The following SLC9C2 variants were observed in gnomAD, a reference collection of about 807,000 sequenced individuals.
The protein encoded by SLC9C2 is sodium/hydrogen exchanger 11.
Under a neutral mutation model 140.2 loss-of-function variants are expected in SLC9C2, and 75 were observed. The ratio of observed to expected loss-of-function variants is 0.53; its 90% CI spans 0.44 to 0.65. The LOEUF (loss-of-function observed/expected upper bound fraction) is 0.65. SLC9C2 is among the 30% of genes least tolerant of loss of function. The pLI, the probability that SLC9C2 is intolerant of heterozygous loss-of-function variation, is 0.00. For missense variants in SLC9C2, 1,074 were observed against 1,331.8 expected (o/e 0.81, Z 3.01); for synonymous variants, 375 against 420.9 (o/e 0.89, Z 1.34).
In SLC9C2 at chr1:173,534,802, T is replaced by A; in HGVS notation, c.1776-120A>T. 3.7e-6 allele frequency: 3 copies of A among 800,714 alleles called. No individual in the cohort carries two copies. In the South Asian group the frequency reaches 9.6e-5, roughly 26 times the overall value. The allele number at this position is 800,714 out of a possible 1,614,324, so 49.6% of individuals were successfully genotyped here. A position where few individuals can be genotyped will look rare whatever the true frequency, so the allele number is the denominator to read the frequency against. On this transcript the variant is annotated intron_variant, in intron 15 of 27. Coordinates refer to ENST00000367714, the MANE Select transcript of SLC9C2 (RefSeq NM_178527.4). ...GAAGACTATACATAATATAAAATAA[T>A]AGTAAGCAAAAATCAAAAGCATATT... is the stretch of plus-strand genomic sequence containing the variant.
intron 13 of SLC9C2, 65 bp downstream of exon 13, chr1:173,547,624 C>T: frequency 8.2e-7 from 1 of 1,216,418 alleles, no homozygotes. Context: ...ATCTGAAAAT[C>T]ATATGCAAGG....
chr1:173,564,968 C>CTTTTTTTTTTTTTTT (rs564120430), intron 9 of SLC9C2, among the ~76,000 whole-genome samples: 14 of 113,612 alleles, frequency 1.2e-4, no homozygotes, highest in South Asian at 3.0e-4. Context: ...TTTTCTTTTT[C>CTTTTTTTTTTTTTTT]TTTTTTTTTT....
At chr1:173,586,276 C>T (rs1358221461) in intron 5 of SLC9C2, among the ~76,000 whole-genome samples, 1 of 152,118 alleles carries the variant, frequency 6.6e-6, no homozygotes, top group African/African-American at 2.4e-5. Flanking sequence ...TAGAACAGAA[C>T]CTCCAAAAGT....
At chr1:173,526,434 C>A (rs1173214924) in intron 19 of SLC9C2, among the ~76,000 whole-genome samples, 1 of 152,166 alleles carries the variant, frequency 6.6e-6, no homozygotes, top group Admixed American at 6.5e-5. Context: ...CTAACTTTTT[C>A]AATTATCTAT....
rs1346275410 is a variant in SLC9C2, at chr1:173,587,807, G to A, written c.381C>T (p.Ser127=). The A allele has an allele frequency of 1.9e-6, 3 of 1,612,458 alleles. No individual in the cohort carries two copies. Among genetic ancestry groups the A allele is most frequent in the Non-Finnish European group, 2.5e-6 (3 of 1,179,280 alleles). Residue 127 remains serine, a synonymous_variant, in exon 5 of 28, where the codon AGC becomes AGT. Coordinates refer to ENST00000367714, the MANE Select transcript of SLC9C2 (RefSeq NM_178527.4). ...FWQVLLTGLI[S]FSTASIIIGY... ...CAATTATGATGCTTGCTGTAGAAAAGCTAATTAATCCAGTTAACAAGACCT... is the reference window on the plus strand; with the variant it reads ...CAATTATGATGCTTGCTGTAGAAAAACTAATTAATCCAGTTAACAAGACCT...
At chr1:173,521,832 T>C (rs1191023339) in intron 21 of SLC9C2, among the ~76,000 whole-genome samples, 1 of 139,890 alleles carries the variant, frequency 7.1e-6, no homozygotes, top group Non-Finnish European at 1.5e-5. Flanking sequence ...TGGGTAGATA[T>C]TTACAATCCA....
chr1:173,598,792 GCACT>G (rs1227866984), intron 3 of SLC9C2, among the ~76,000 whole-genome samples: 1 of 152,154 alleles, frequency 6.6e-6, no homozygotes, highest in Non-Finnish European at 1.5e-5. Flanking sequence ...AGAGAGCCTG[GCACT>G]TAGTAAACAC....
At position 173,564,792 on chromosome 1, in the gene SLC9C2, C is replaced by T. The variant is rs568339916; in HGVS notation, c.1047-7284G>A. ...AGCTGGAACTACAGGCGCCTGCCACCACGCCTGGCTAATTTTTTATATTTT... is the reference window on the plus strand; with the variant it reads ...AGCTGGAACTACAGGCGCCTGCCACTACGCCTGGCTAATTTTTTATATTTT... On this transcript the variant is annotated intron_variant, in intron 9 of 27. Coordinates refer to ENST00000367714, the MANE Select transcript of SLC9C2 (RefSeq NM_178527.4). Among the ~76,000 whole-genome samples the T allele has an allele frequency of 6.0e-3, 885 of 148,540 alleles. 4 individuals are homozygous for T. The highest frequency in any genetic ancestry group is 0.011 in the Middle Eastern group (3 of 268).
chr1:173,504,745 T>G (rs955400696), intron 26 of SLC9C2, among the ~76,000 whole-genome samples: 2 of 152,196 alleles, frequency 1.3e-5, no homozygotes, highest in Non-Finnish European at 2.9e-5. Flanking sequence ...TGCAGTTGGA[T>G]GCTAATAAAT....
chr1:173,509,717 C>T lies in SLC9C2; in HGVS notation c.2908-18G>A. 6.4e-7 allele frequency: 1 copy of T among 1,567,704 alleles called. No individual in the cohort carries two copies. The highest frequency in any genetic ancestry group is 1.4e-5 in the African/African-American group (1 of 71,400). ...AAGCAGGCCTGAAACAAAAAGGAAC[C>T]AGGCCATAGCAGCTTGATGTGGAAC... On this transcript the variant is annotated intron_variant, in intron 23 of 27. Transcript: ENST00000367714.
chr1:173,507,790 C>T (rs1215430454), intron 24 of SLC9C2, among the ~76,000 whole-genome samples: 2 of 152,198 alleles, frequency 1.3e-5, no homozygotes, highest in African/African-American at 2.4e-5. Flanking sequence ...TTCTCCCTCA[C>T]AGCCCCTCAG....
intron 11 of SLC9C2, among the ~76,000 whole-genome samples, chr1:173,551,135 C>T (rs1257221846): frequency 1.3e-5 from 2 of 152,120 alleles, no homozygotes; most frequent in East Asian, 3.9e-4. Context: ...GCAGTGTTGT[C>T]TCTGAGTAGG....
intron 23 of SLC9C2, 23 bp from the exon 24 acceptor site, chr1:173,509,722 C>T (rs761338574): frequency 1.0e-5 from 16 of 1,566,348 alleles, no homozygotes; most frequent in Non-Finnish European, 1.3e-5. Context: ...GGAACCAGGC[C>T]ATAGCAGCTT....
intron 7 of SLC9C2, among the ~76,000 whole-genome samples, chr1:173,580,111 T>C (rs1238961303): frequency 6.6e-6 from 1 of 152,208 alleles, no homozygotes; most frequent in Non-Finnish European, 1.5e-5. Flanking sequence ...AGTTCAAGGT[T>C]GGGGCGGTAG....
chr1:173,557,293 A>G (rs761054757), intron 10 of SLC9C2, 47 bp downstream of exon 10: 2 of 1,556,862 alleles, frequency 1.3e-6, no homozygotes, highest in Non-Finnish European at 1.7e-6. Flanking sequence ...GGGCAAGATA[A>G]GTAAAAATGA....
chr1:173,506,670 T>A (rs1187748436), intron 25 of SLC9C2, among the ~76,000 whole-genome samples, 186 bp downstream of exon 25: 1 of 152,184 alleles, frequency 6.6e-6, no homozygotes, highest in Non-Finnish European at 1.5e-5. Flanking sequence ...GGGCACACCC[T>A]TGTGTAGGGC....
intron 13 of SLC9C2, 122 bp from the exon 14 acceptor site, chr1:173,537,161 A>G: frequency 1.4e-6 from 1 of 700,208 alleles, no homozygotes; most frequent in East Asian, 2.6e-5. Flanking sequence ...TGCCATTACA[A>G]AAAATTATGT....
intron 19 of SLC9C2, among the ~76,000 whole-genome samples, chr1:173,525,767 G>T (rs1661151625): frequency 6.6e-6 from 1 of 152,194 alleles, no homozygotes; most frequent in South Asian, 2.1e-4. Flanking sequence ...AGAAAACTTT[G>T]TAATATTCCA....
In SLC9C2 at chr1:173,582,114, T is replaced by C. The variant is rs555700870; in HGVS notation, c.641-106A>G. The C allele has an allele frequency of 2.2e-4, 179 of 797,252 alleles. No individual in the cohort carries two copies. The South Asian group carries it at 4.2e-3, about 19-fold the overall frequency. The allele number at this position is 797,252 out of a possible 1,614,324, so 49.4% of individuals were successfully genotyped here. A position where few individuals can be genotyped will look rare whatever the true frequency, so the allele number is the denominator to read the frequency against. The stretch of plus-strand genomic sequence containing the variant: ...TGCACTTTGGTTTGCTTGTGAGATT[T>C]TGAGTGGACACCTTATTTGTCAGCA... On this transcript the variant is annotated intron_variant, in intron 6 of 27. Coordinates refer to ENST00000367714, the MANE Select transcript of SLC9C2 (RefSeq NM_178527.4).
Sources: allele counts gnomAD v4.1 joint callset (sites outside exome capture counted in the v4.1 genomes callset), GRCh38; gene constraint gnomAD v4.1.1; transcripts MANE v1.5; gene names NCBI Gene and HGNC (gene_info 2026-07-23, HGNC 2026-07-21).